Variants in LYPLAL1 observed in about 807,000 individuals in gnomAD.
LYPLAL1 encodes lysophospholipase-like protein 1.
In LYPLAL1, 23 loss-of-function variants were observed where a neutral mutation model predicts 19.7. That is an observed-to-expected ratio of 1.17 (90% CI 0.84 to 1.65). The LOEUF (loss-of-function observed/expected upper bound fraction) is 1.65. Ranked by LOEUF, LYPLAL1 falls within the 40% of genes most tolerant of loss-of-function variation. LYPLAL1 has a pLI of 0.00. For missense variants in LYPLAL1, 355 were observed against 279.4 expected, an observed-to-expected ratio of 1.27 and a Z score of -1.93; for synonymous variants, 119 against 96.3, an observed-to-expected ratio of 1.24 and a Z score of -1.38.
chr1:219,342,449 A>G, the LYPLAL1 span, among the ~76,000 whole-genome samples: 12 of 152,132 alleles, frequency 7.9e-5, no homozygotes, highest in Non-Finnish European at 7.4e-5. Flanking sequence ...TTAGGCCCCA[A>G]GGAACCTGCA....
At chr1:219,445,106 A>G in the LYPLAL1 span, among the ~76,000 whole-genome samples, 1 of 151,862 alleles carries the variant, frequency 6.6e-6, no homozygotes, top group African/African-American at 2.4e-5. Flanking sequence ...TTCTACATGC[A>G]TTTGAAATGA....
intron 3 of LYPLAL1, among the ~76,000 whole-genome samples, chr1:219,199,007 C>T (rs146000301): frequency 5.9e-5 from 9 of 152,194 alleles, no homozygotes; most frequent in Admixed American, 2.6e-4. Flanking sequence ...AAGGTCTATA[C>T]GTGAACATAT....
chr1:219,184,914 A>G (rs1425346858), intron 2 of LYPLAL1, among the ~76,000 whole-genome samples: 1 of 151,188 alleles, frequency 6.6e-6, no homozygotes, highest in East Asian at 1.9e-4. Flanking sequence ...GAAAAACGTT[A>G]TCATCGGGGT....
At chr1:219,328,701 A>G in the LYPLAL1 span, among the ~76,000 whole-genome samples, 1 of 152,176 alleles carries the variant, frequency 6.6e-6, no homozygotes, top group Non-Finnish European at 1.5e-5. Flanking sequence ...AAAATTATAT[A>G]CAGTATCTAT....
the LYPLAL1 span, among the ~76,000 whole-genome samples, chr1:219,333,057 G>A: frequency 6.6e-6 from 1 of 151,928 alleles, no homozygotes; most frequent in African/African-American, 2.4e-5. Context: ...AGCAATGACT[G>A]GTCATGTCCC....
the LYPLAL1 span, among the ~76,000 whole-genome samples, chr1:219,440,010 TATAC>T: frequency 5.1e-3 from 494 of 96,558 alleles, 5 homozygotes; most frequent in African/African-American, 9.7e-3. Flanking sequence ...TATATATATA[TATAC>T]ACACACACAC....
At chr1:219,191,774 A>T (rs1262598556) in intron 2 of LYPLAL1, among the ~76,000 whole-genome samples, 1 of 151,606 alleles carries the variant, frequency 6.6e-6, no homozygotes, top group Admixed American at 6.6e-5. Context: ...ATGTATCTGC[A>T]TAAACTTAGG....
chr1:219,363,967 C>T, the LYPLAL1 span, among the ~76,000 whole-genome samples: 1 of 152,006 alleles, frequency 6.6e-6, no homozygotes, highest in Non-Finnish European at 1.5e-5. Context: ...ATGCAGTGAG[C>T]CACAGGGGAA....
the LYPLAL1 span, chr1:219,222,282 T>C: frequency 6.6e-6 from 1 of 152,128 alleles, no homozygotes; most frequent in East Asian, 1.9e-4. Context: ...TGCAAGAATT[T>C]ATTTTGATTT....
the LYPLAL1 span, among the ~76,000 whole-genome samples, chr1:219,220,567 A>G: frequency 6.6e-6 from 1 of 152,162 alleles, no homozygotes; most frequent in Admixed American, 6.5e-5. Context: ...CATTGAAAGG[A>G]GATGATCTCT....
the LYPLAL1 span, among the ~76,000 whole-genome samples, chr1:219,247,362 A>G: frequency 6.6e-6 from 1 of 152,198 alleles, no homozygotes; most frequent in African/African-American, 2.4e-5. Flanking sequence ...GTCAAGTGAA[A>G]TTCATAAGTT....
chr1:219,348,264 A>G, the LYPLAL1 span, among the ~76,000 whole-genome samples: 839 of 152,318 alleles, frequency 5.5e-3, 9 homozygotes, highest in Non-Finnish European at 9.3e-3. Context: ...GGTCATTTCC[A>G]GCAGCAGAGA....
chr1:219,224,393 C>T, the LYPLAL1 span, among the ~76,000 whole-genome samples: 4 of 152,086 alleles, frequency 2.6e-5, no homozygotes, highest in East Asian at 7.7e-4. Context: ...CTTAATTACC[C>T]TATGAAGTGT....
At chr1:219,175,194 AG>A in intron 1 of LYPLAL1, 1 of 694,552 alleles carries the variant, frequency 1.4e-6, no homozygotes, top group Non-Finnish European at 1.8e-6. Context: ...ATTTGGGATT[AG>A]AACCCAAAGC....
the LYPLAL1 span, among the ~76,000 whole-genome samples, chr1:219,312,911 C>T: frequency 5.3e-5 from 8 of 152,118 alleles, no homozygotes; most frequent in East Asian, 1.9e-4. Context: ...CTACAACTAC[C>T]GATAATAGTC....
chr1:219,368,039 A>G, the LYPLAL1 span, among the ~76,000 whole-genome samples: 1 of 150,568 alleles, frequency 6.6e-6, no homozygotes, highest in Admixed American at 6.7e-5. Flanking sequence ...ACTCCTTTAT[A>G]TTCTTCTTTC....
chr1:219,272,956 G>A, the LYPLAL1 span: 1 of 152,010 alleles, frequency 6.6e-6, no homozygotes, highest in Non-Finnish European at 1.5e-5. Flanking sequence ...GAGAAAAAAA[G>A]AAGTCAATGG....
chr1:219,404,556 T>C, the LYPLAL1 span, among the ~76,000 whole-genome samples: 1 of 152,122 alleles, frequency 6.6e-6, no homozygotes, highest in Non-Finnish European at 1.5e-5. Context: ...AGTTTTGCAA[T>C]GTGTTGAGCC....
the LYPLAL1 span, among the ~76,000 whole-genome samples, chr1:219,323,622 T>C: frequency 6.6e-6 from 1 of 152,142 alleles, no homozygotes; most frequent in Non-Finnish European, 1.5e-5. Flanking sequence ...TGTACCAAAG[T>C]GACCCATGGA....
Sources: gnomAD v4.1 joint callset for allele counts (sites outside exome capture counted in the v4.1 genomes callset) on GRCh38, gnomAD v4.1.1 for gene constraint, MANE v1.5 for transcripts, NCBI Gene and HGNC (gene_info 2026-07-23, HGNC 2026-07-21) for gene names.